Variants in CDH13 observed in about 807,000 individuals in gnomAD.
CDH13 encodes cadherin 13.
CDH13 carries 24 observed loss-of-function variants against 63.8 expected under a neutral mutation model. That is an observed-to-expected ratio of 0.38 (90% CI 0.27 to 0.53). The LOEUF is 0.53. Among genes scored for constraint, CDH13 ranks in the 20% least tolerant of loss-of-function variants. The pLI, the probability that CDH13 is intolerant of heterozygous loss-of-function variation, is 0.85. For synonymous variants in CDH13, 503 were observed against 355.3 expected (o/e 1.42, Z -4.67); for missense variants, 1,049 against 903.1 (o/e 1.16, Z -2.07).
At chr16:82,651,668 C>A (rs146538091) in intron 1 of CDH13, among the ~76,000 whole-genome samples, 5 of 152,164 alleles carry the variant, frequency 3.3e-5, no homozygotes, top group South Asian at 4.1e-4. Context: ...AGGGTAGGTA[C>A]GCCATTGGAA....
At position 83,038,117 on chromosome 16, in the gene CDH13, T is replaced by G. The variant is rs552960387; in HGVS notation, c.366+5899T>G. ...ACCAAAACAGGGGCGATTTCACACTTGCTCATTTCATGTCACTGTGTTTTG... is the reference window on the plus strand; with the variant it reads ...ACCAAAACAGGGGCGATTTCACACTGGCTCATTTCATGTCACTGTGTTTTG... On this transcript the variant is annotated intron_variant, in intron 3 of 13. Coordinates refer to ENST00000567109, the MANE Select transcript of CDH13 (RefSeq NM_001257.5). Among the ~76,000 whole-genome samples, 133 of 152,340 alleles carry G rather than the reference T, an allele frequency of 8.7e-4. 1 individual carries two copies. Among genetic ancestry groups the G allele is most frequent in the African/African-American group, 3.1e-3 (127 of 41,580 alleles).
rs529595235 is a variant in CDH13 at position 83,688,591 on chromosome 16, C to A, written c.1538+10130C>A. Among the ~76,000 whole-genome samples the A allele has an allele frequency of 1.1e-4, 17 of 152,276 alleles. No homozygotes were observed. In the South Asian group the frequency reaches 3.3e-3, roughly 30 times the overall value. On this transcript the variant is annotated intron_variant, in intron 10 of 13. Coordinates refer to ENST00000567109, the MANE Select transcript of CDH13 (RefSeq NM_001257.5). ...TGGTTACTGACCTCAATAACAGGAT[C>A]TGGGATGAGGTCATTTTTTTGGTTC... is the stretch of plus-strand genomic sequence containing the variant.
chr16:83,582,677 C>G (rs1221074453), intron 7 of CDH13, among the ~76,000 whole-genome samples: 1 of 152,178 alleles, frequency 6.6e-6, no homozygotes, highest in Non-Finnish European at 1.5e-5. Context: ...ACCCAAACCA[C>G]TGCAAAGAGC....
At chr16:82,678,259 T>C (rs945508715) in intron 1 of CDH13, among the ~76,000 whole-genome samples, 14 of 151,752 alleles carry the variant, frequency 9.2e-5, no homozygotes, top group Admixed American at 2.6e-4. Context: ...CTAGAATAAA[T>C]ATAAATATTG....
Position 82,939,204 on chromosome 16 carries a change from A to G in CDH13, c.157+80731A>G, listed in dbSNP as rs145440242. ...TTTCAGAGGCTGAGGCAGATGGATC[A>G]CCTGAGCTCAGGGGTTTGAGATCAG... On this transcript the variant is annotated intron_variant, in intron 2 of 13. Coordinates refer to ENST00000567109, the MANE Select transcript of CDH13 (RefSeq NM_001257.5). Among the ~76,000 whole-genome samples, 838 of 152,244 alleles carry G rather than the reference A, an allele frequency of 5.5e-3. 8 individuals carry two copies. Among genetic ancestry groups the G allele is most frequent in the African/African-American group, 0.019 (800 of 41,536 alleles).
intron 5 of CDH13, among the ~76,000 whole-genome samples, chr16:83,264,301 G>A (rs1023719265): frequency 3.3e-5 from 5 of 152,104 alleles, no homozygotes; most frequent in African/African-American, 9.7e-5. Flanking sequence ...TGAGTTTATG[G>A]TCAGCTTGAA....
At chr16:83,714,954 G>C (rs1264795190) in intron 10 of CDH13, among the ~76,000 whole-genome samples, 2 of 152,124 alleles carry the variant, frequency 1.3e-5, no homozygotes, top group East Asian at 1.9e-4. Context: ...CTGCCCATCT[G>C]TTTCTTTACA....
intron 7 of CDH13, among the ~76,000 whole-genome samples, chr16:83,545,604 C>A (rs34822345): frequency 0.29 from 44,850 of 152,072 alleles, 7,744 homozygotes; most frequent in East Asian, 0.39. Context: ...GAATTAAAGT[C>A]CTTCTAATGA....
intron 3 of CDH13, among the ~76,000 whole-genome samples, chr16:83,034,662 G>A (rs934268493): frequency 1.1e-4 from 16 of 152,158 alleles, no homozygotes; most frequent in South Asian, 1.0e-3. Context: ...ATTGTTCTTC[G>A]TGAATGGTGG....
intron 8 of CDH13, among the ~76,000 whole-genome samples, chr16:83,616,520 G>A (rs978728501): frequency 6.6e-6 from 1 of 151,890 alleles, no homozygotes; most frequent in Non-Finnish European, 1.5e-5. Context: ...CCACTCCATA[G>A]CACAGTGGCC....
chr16:83,623,949 T>A (rs1377176938), intron 8 of CDH13, among the ~76,000 whole-genome samples: 8 of 152,242 alleles, frequency 5.3e-5, no homozygotes, highest in Admixed American at 5.2e-4. Flanking sequence ...ACTCATTTCG[T>A]TGTTAGGAAC....
intron 6 of CDH13, among the ~76,000 whole-genome samples, chr16:83,399,709 A>T (rs572921934): frequency 6.6e-6 from 1 of 152,238 alleles, no homozygotes; most frequent in African/African-American, 2.4e-5. Context: ...TCTGCTTGAA[A>T]GCCACCATGT....
At chr16:83,411,700 T>C (rs899552107) in intron 6 of CDH13, among the ~76,000 whole-genome samples, 5 of 152,218 alleles carry the variant, frequency 3.3e-5, no homozygotes, top group African/African-American at 9.7e-5. Context: ...GATATGTCCC[T>C]AGTACACATT....
In CDH13 at chr16:83,289,121, C is replaced by G. The variant is rs190477456; in HGVS notation, c.637-55741C>G. ...TGGGCTATTGCTTGCTCCTGGCCTA[C>G]AAGAACCAAAAAAGACACATTTCTG... On this transcript the variant is annotated intron_variant, in intron 5 of 13. Transcript: ENST00000567109. 1.6e-3 allele frequency among the ~76,000 whole-genome samples: 248 copies of G among 152,262 alleles called. 1 individual carries two copies. The highest frequency in any genetic ancestry group is 5.7e-3 in the African/African-American group (237 of 41,566).
intron 1 of CDH13, among the ~76,000 whole-genome samples, chr16:82,722,538 A>G (rs2032840648): frequency 6.6e-6 from 1 of 152,176 alleles, no homozygotes; most frequent in Non-Finnish European, 1.5e-5. Flanking sequence ...TGGCTACGCT[A>G]GGGTCACATG....
At chr16:83,501,159 C>T (rs2074275583) in intron 7 of CDH13, among the ~76,000 whole-genome samples, 1 of 152,230 alleles carries the variant, frequency 6.6e-6, no homozygotes, top group Non-Finnish European at 1.5e-5. Context: ...CAAATTCCAA[C>T]AGGCAACTTA....
At chr16:83,492,131 C>T (rs377083792) in intron 7 of CDH13, among the ~76,000 whole-genome samples, 3 of 152,200 alleles carry the variant, frequency 2.0e-5, no homozygotes, top group South Asian at 2.1e-4. Context: ...TGTCACGTAG[C>T]ATGCATCTCC....
chr16:82,995,512 C>T (rs1485674180), intron 2 of CDH13, among the ~76,000 whole-genome samples: 1 of 152,146 alleles, frequency 6.6e-6, no homozygotes, highest in Non-Finnish European at 1.5e-5. Flanking sequence ...GAAGAGATGG[C>T]ATGGCAACAG....
intron 6 of CDH13, among the ~76,000 whole-genome samples, chr16:83,359,447 A>G (rs2091120079): frequency 6.6e-6 from 1 of 152,150 alleles, no homozygotes; most frequent in Admixed American, 6.6e-5. Context: ...GTGCTAGTTC[A>G]GGAGGGTCTT....
Sources: allele counts gnomAD v4.1 joint callset (sites outside exome capture counted in the v4.1 genomes callset), GRCh38; gene constraint gnomAD v4.1.1; transcripts MANE v1.5; gene names NCBI Gene and HGNC (gene_info 2026-07-23, HGNC 2026-07-21).